The following SUGCT variants were observed in gnomAD, a reference collection of about 807,000 sequenced individuals.
The protein encoded by SUGCT is succinyl-CoA:glutarate-CoA transferase.
A neutral mutation model predicts 55.0 loss-of-function variants in SUGCT; 41 were observed. That is an observed-to-expected ratio of 0.74 (90% confidence interval 0.58 to 0.97). The LOEUF (loss-of-function observed/expected upper bound fraction) is 0.97, where lower values mean the gene tolerates loss of function less well. Ranked by LOEUF, SUGCT falls within the 50% of genes least tolerant of loss-of-function variation. The pLI is 0.00. For synonymous variants in SUGCT, 187 were observed against 200.4 expected (o/e 0.93, Z 0.56); for missense variants, 568 against 547.8 (o/e 1.04, Z -0.37).
At chr7:40,788,377 A>G (rs1475248818) in intron 13 of SUGCT, among the ~76,000 whole-genome samples, 1 of 152,190 alleles carries the variant, frequency 6.6e-6, no homozygotes, top group African/African-American at 2.4e-5. Flanking sequence ...TGAATGGGAG[A>G]AGAAAAATCA....
At chr7:40,271,409 T>C (rs948948225) in intron 7 of SUGCT, among the ~76,000 whole-genome samples, 1 of 152,218 alleles carries the variant, frequency 6.6e-6, no homozygotes, top group Non-Finnish European at 1.5e-5. Flanking sequence ...ATTATAGGAA[T>C]GAGCCTTCGT....
chr7:40,202,889 C>T (rs1376415448), intron 6 of SUGCT, among the ~76,000 whole-genome samples: 1 of 152,142 alleles, frequency 6.6e-6, no homozygotes, highest in Non-Finnish European at 1.5e-5. Context: ...GGGAAAAATC[C>T]TCCCTCCTCC....
At chr7:40,136,638 T>C (rs1787710926) in intron 1 of SUGCT, among the ~76,000 whole-genome samples, 1 of 152,228 alleles carries the variant, frequency 6.6e-6, no homozygotes, top group Admixed American at 6.5e-5. Context: ...CTCCAGCCTA[T>C]CCACTTTATT....
chr7:40,209,801 A>AAAAC (rs376231858), intron 6 of SUGCT, among the ~76,000 whole-genome samples: 3 of 151,996 alleles, frequency 2.0e-5, no homozygotes, highest in Non-Finnish European at 4.4e-5. Context: ...ATCTCAAAAC[A>AAAAC]AAACAAACAA....
the SUGCT span, among the ~76,000 whole-genome samples, chr7:40,952,163 A>G: frequency 3.9e-5 from 6 of 152,270 alleles, 1 homozygote. Flanking sequence ...TATATTTAGT[A>G]TAGTTAGCTC....
At chr7:40,804,638 T>A (rs1790997053) in intron 13 of SUGCT, among the ~76,000 whole-genome samples, 1 of 152,116 alleles carries the variant, frequency 6.6e-6, no homozygotes, top group African/African-American at 2.4e-5. Flanking sequence ...ATATCTTAAG[T>A]GAAAGCATCT....
At chr7:40,797,548 A>G (rs148176863) in intron 13 of SUGCT, among the ~76,000 whole-genome samples, 1 of 152,288 alleles carries the variant, frequency 6.6e-6, no homozygotes, top group African/African-American at 2.4e-5. Flanking sequence ...TCTCAGTTCC[A>G]TGTCATATAT....
chr7:40,945,705 A>T, the SUGCT span, among the ~76,000 whole-genome samples: 1 of 152,074 alleles, frequency 6.6e-6, no homozygotes, highest in Non-Finnish European at 1.5e-5. Context: ...CATGTGGATT[A>T]TTTGTTCCCA....
In SUGCT at chr7:40,646,246, C is replaced by G. The variant is rs567800487; in HGVS notation, c.1090-103188C>G. Among the ~76,000 whole-genome samples the G allele has an allele frequency of 3.3e-5, 5 of 152,316 alleles. No individual in the cohort carries two copies. In the East Asian group the frequency reaches 9.7e-4, roughly 29 times the overall value. ...TCTGTGACCATACTAGTTCAAGGCC[C>G]CGTTATGCTTCACTTGGGACTCCTC... On this transcript the variant is annotated intron_variant, in intron 12 of 13. Coordinates refer to ENST00000335693, the MANE Select transcript of SUGCT (RefSeq NM_001193313.2).
chr7:40,423,042 G>C (rs1333800733), intron 9 of SUGCT, among the ~76,000 whole-genome samples: 1 of 152,090 alleles, frequency 6.6e-6, no homozygotes, highest in Non-Finnish European at 1.5e-5. Context: ...TTTATTATCA[G>C]TTTCAAAATG....
chr7:40,772,757 A>C (rs1789240867), intron 13 of SUGCT, among the ~76,000 whole-genome samples: 1 of 151,908 alleles, frequency 6.6e-6, no homozygotes. Flanking sequence ...CAGCCCCCTT[A>C]GTATCTGGGA....
At position 40,860,514 on chromosome 7, in the gene SUGCT, C is replaced by A; in HGVS notation, c.*35C>A. ...AGGGCTCTTCCTCATAACCTCGATC[C>A]GAATACACTGGCAAAGGCAACACTT... On this transcript the variant is annotated 3_prime_UTR_variant, in exon 14 of 14. Transcript: ENST00000335693. The A allele has an allele frequency of 6.3e-7, 1 of 1,584,366 alleles. No homozygotes were observed. The highest frequency in any genetic ancestry group is 1.1e-5 in the South Asian group (1 of 87,060).
chr7:40,832,677 CTTT>C (rs34767975), intron 13 of SUGCT, among the ~76,000 whole-genome samples: 23 of 141,292 alleles, frequency 1.6e-4, no homozygotes, highest in East Asian at 2.1e-4. Flanking sequence ...TCCACTCCTA[CTTT>C]TTTTTTTTTT....
chr7:40,936,525 T>A, the SUGCT span, among the ~76,000 whole-genome samples: 1 of 151,958 alleles, frequency 6.6e-6, no homozygotes, highest in Non-Finnish European at 1.5e-5. Context: ...TTAAATTTGT[T>A]GATATTTTCA....
chr7:40,358,898 A>T (rs1798009526), intron 9 of SUGCT, among the ~76,000 whole-genome samples: 1 of 152,186 alleles, frequency 6.6e-6, no homozygotes, highest in African/African-American at 2.4e-5. Flanking sequence ...TTTATACAAC[A>T]TCCCCCAAGT....
At chr7:40,247,439 G>A (rs1241962041) in intron 7 of SUGCT, among the ~76,000 whole-genome samples, 3 of 152,078 alleles carry the variant, frequency 2.0e-5, no homozygotes, top group African/African-American at 7.2e-5. Flanking sequence ...TGTATTTTTA[G>A]TAGGGACGGG....
At chr7:40,408,780 G>A (rs1786512566) in intron 9 of SUGCT, among the ~76,000 whole-genome samples, 1 of 152,106 alleles carries the variant, frequency 6.6e-6, no homozygotes, top group African/African-American at 2.4e-5. Flanking sequence ...GAAGCAAAAT[G>A]AAGTCATTTG....
At chr7:40,836,940 G>A (rs750689294) in intron 13 of SUGCT, among the ~76,000 whole-genome samples, 8 of 151,964 alleles carry the variant, frequency 5.3e-5, no homozygotes, top group Admixed American at 1.3e-4. Flanking sequence ...TTTATTTCTC[G>A]GGGATACATG....
the SUGCT span, among the ~76,000 whole-genome samples, chr7:40,990,079 C>T: frequency 2.0e-5 from 3 of 152,198 alleles, no homozygotes; most frequent in African/African-American, 4.8e-5. Flanking sequence ...TGTACTTTGC[C>T]CAAATCCATC....
Sources: allele counts gnomAD v4.1 joint callset (sites outside exome capture counted in the v4.1 genomes callset), GRCh38; gene constraint gnomAD v4.1.1; transcripts MANE v1.5; gene names NCBI Gene and HGNC (gene_info 2026-07-23, HGNC 2026-07-21).